The following RASSF6 variants were observed in gnomAD, a reference collection of about 807,000 sequenced individuals.
RASSF6 encodes the protein Ras association domain family member 6.
RASSF6 carries 52 observed loss-of-function variants against 44.0 expected under a neutral mutation model. The ratio of observed to expected loss-of-function variants is 1.18; its 90% CI spans 0.95 to 1.49. The LOEUF is 1.49. RASSF6 is among the 40% of genes most tolerant of loss of function. The pLI is 0.00. For synonymous variants in RASSF6, 162 were observed against 124.6 expected, an observed-to-expected ratio of 1.30 and a Z score of -2.00; for missense variants, 464 against 393.3, an observed-to-expected ratio of 1.18 and a Z score of -1.52.
At chr4:73,603,840 G>A (rs1321095964) in intron 2 of RASSF6, among the ~76,000 whole-genome samples, 2 of 152,160 alleles carry the variant, frequency 1.3e-5, no homozygotes, top group Admixed American at 6.5e-5. Flanking sequence ...AATATTAGTT[G>A]TACTAAGAGA....
rs764339572 is a variant in RASSF6 at position 73,572,971 on chromosome 4, A to C, written c.*3264T>G. On this transcript the variant is annotated 3_prime_UTR_variant, in exon 11 of 11. Coordinates refer to ENST00000307439, the MANE Select transcript of RASSF6 (RefSeq NM_177532.5). The stretch of plus-strand genomic sequence containing the variant: ...CATATATATATACACACACATACAT[A>C]TATAATATATATGCCTTAAGTACAT... 1 of 152,070 alleles carries C rather than the reference A, an allele frequency of 6.6e-6. No homozygotes were observed. The highest frequency in any genetic ancestry group is 2.4e-5 in the African/African-American group (1 of 41,380). 9.4% of individuals were successfully genotyped at this position (152,070 alleles called of 1,614,324 possible). A position where few individuals can be genotyped will look rare whatever the true frequency, so the allele number is the denominator to read the frequency against.
rs900348383 is a variant in RASSF6 at position 73,574,375 on chromosome 4, A to G, written c.*1860T>C. ...CCCAAGTCCCTCTGCATATCTGCCCACCTGCCTCAGCTGGTCCACACCTAG... is the reference window on the plus strand; with the variant it reads ...CCCAAGTCCCTCTGCATATCTGCCCGCCTGCCTCAGCTGGTCCACACCTAG... On this transcript the variant is annotated 3_prime_UTR_variant, in exon 11 of 11. Transcript: ENST00000307439. 2 of 152,460 alleles carry G rather than the reference A, an allele frequency of 1.3e-5. No individual in the cohort carries two copies. Among genetic ancestry groups the G allele is most frequent in the African/African-American group, 4.8e-5 (2 of 41,416 alleles). The allele number at this position is 152,460 out of a possible 1,614,324, so 9.4% of individuals were successfully genotyped here.
At chr4:73,604,830 G>A (rs779068026) in intron 2 of RASSF6, among the ~76,000 whole-genome samples, 5 of 151,038 alleles carry the variant, frequency 3.3e-5, no homozygotes, top group Non-Finnish European at 5.9e-5. Context: ...AATTAAGGTT[G>A]TGATTTTTAT....
At chr4:73,614,995 A>G (rs1726255974) in intron 1 of RASSF6, among the ~76,000 whole-genome samples, 1 of 152,160 alleles carries the variant, frequency 6.6e-6, no homozygotes, top group South Asian at 2.1e-4. Flanking sequence ...TAAAAGTCCC[A>G]TTGTTAGTAT....
chr4:73,582,072 C>T, intron 7 of RASSF6, 117 bp downstream of exon 7: 2 of 659,460 alleles, frequency 3.0e-6, no homozygotes, highest in Non-Finnish European at 2.6e-6. Context: ...TCTTTCAGTG[C>T]TCAACATCCA....
At chr4:73,593,182 A>C (rs927253044) in intron 4 of RASSF6, among the ~76,000 whole-genome samples, 1 of 151,882 alleles carries the variant, frequency 6.6e-6, no homozygotes. Context: ...CGCCCAGCTA[A>C]TTTTTGTATT....
At chr4:73,593,935 T>C (rs142872352) in intron 3 of RASSF6, among the ~76,000 whole-genome samples, 15 of 152,306 alleles carry the variant, frequency 9.8e-5, no homozygotes, top group South Asian at 2.1e-4. Context: ...TAAAGCAGAT[T>C]TAAAAATTAT....
In RASSF6 at chr4:73,582,267, A is replaced by G; in HGVS notation, c.591T>C (p.Phe197=). The change falls in exon 7 of 11, where the codon TTT becomes TTC. Residue 197 remains phenylalanine (F), a synonymous_variant. Transcript: ENST00000307439. ...TTACTCTGACCTTAGTTTCTGATTC[A>G]AAGGCTGGAATGAAAATTGATGTCT... ...NHETSIFIPA[F]ESETKVRVNS... is the part of the protein sequence containing the mutation. 1 of 1,589,240 alleles carries G rather than the reference A, an allele frequency of 6.3e-7. No homozygotes were observed. Among genetic ancestry groups the G allele is most frequent in the South Asian group, 1.1e-5 (1 of 87,976 alleles).
intron 6 of RASSF6, among the ~76,000 whole-genome samples, chr4:73,583,542 ATCTTACGACACAC>A (rs750968416): frequency 2.5e-4 from 38 of 152,126 alleles, no homozygotes; most frequent in Non-Finnish European, 4.0e-4. Context: ...ATAAAAACAT[ATCTTACGACACAC>A]AGCAACTTAA....
In RASSF6 at chr4:73,573,212, C is replaced by G. The variant is rs10028405; in HGVS notation, c.*3023G>C. Reference sequence around the variant, plus strand: ...GCGCCATCTCGGCTCATGCAACCTCCGCCTCCCGGGTTCAAGCGATTCTCC... The same window carrying G: ...GCGCCATCTCGGCTCATGCAACCTCGGCCTCCCGGGTTCAAGCGATTCTCC... On this transcript the variant is annotated 3_prime_UTR_variant, in exon 11 of 11. Transcript: ENST00000307439. 2 of 151,782 alleles carry G rather than the reference C, an allele frequency of 1.3e-5. No homozygotes were observed. The highest frequency in any genetic ancestry group is 2.9e-5 in the Non-Finnish European group (2 of 68,020). The allele number at this position is 151,782 out of a possible 1,614,324, so 9.4% of individuals were successfully genotyped here. A position where few individuals can be genotyped will look rare whatever the true frequency, so the allele number is the denominator to read the frequency against.
At chr4:73,580,442 C>T (rs1388548444) in intron 8 of RASSF6, among the ~76,000 whole-genome samples, 7 of 150,412 alleles carry the variant, frequency 4.7e-5, no homozygotes, top group East Asian at 4.0e-4. Flanking sequence ...CCTGAGGAAT[C>T]GCCACACTGA....
At chr4:73,577,543 C>T (rs1391974286) in intron 8 of RASSF6, among the ~76,000 whole-genome samples, 1 of 152,072 alleles carries the variant, frequency 6.6e-6, no homozygotes, top group Non-Finnish European at 1.5e-5. Context: ...TGGACTTATC[C>T]CAGGAAAAGA....
intron 5 of RASSF6, among the ~76,000 whole-genome samples, chr4:73,586,110 G>A (rs1327786250): frequency 6.6e-6 from 1 of 150,864 alleles, no homozygotes; most frequent in Non-Finnish European, 1.5e-5. Flanking sequence ...GGTATGTGGA[G>A]CATTGAAAGA....
chr4:73,606,081 A>T (rs1725604026), intron 2 of RASSF6, among the ~76,000 whole-genome samples: 1 of 152,238 alleles, frequency 6.6e-6, no homozygotes, highest in Non-Finnish European at 1.5e-5. Context: ...CCCAAAGGAA[A>T]ATAAAACATT....
intron 4 of RASSF6, 95 bp from the exon 5 acceptor site, chr4:73,588,029 G>T: frequency 1.4e-6 from 1 of 727,592 alleles, no homozygotes; most frequent in South Asian, 2.0e-5. Flanking sequence ...GTAATACTGT[G>T]GGCCTCTGTA....
intron 4 of RASSF6, among the ~76,000 whole-genome samples, chr4:73,592,945 T>C (rs1560449226): frequency 6.6e-6 from 1 of 151,864 alleles, no homozygotes; most frequent in Non-Finnish European, 1.5e-5. Context: ...CACATCGTAA[T>C]TGGGGATCTT....
chr4:73,590,021 A>G (rs1037759431), intron 4 of RASSF6, among the ~76,000 whole-genome samples: 5 of 152,208 alleles, frequency 3.3e-5, no homozygotes, highest in African/African-American at 1.2e-4. Context: ...GAGTTTTGAA[A>G]GATATTAAAA....
chr4:73,594,450 C>T (rs1024278006), intron 3 of RASSF6, among the ~76,000 whole-genome samples: 2 of 152,196 alleles, frequency 1.3e-5, no homozygotes, highest in African/African-American at 4.8e-5. Context: ...ATCAGACAGA[C>T]CTGTGCTCAA....
intron 2 of RASSF6, 39 bp from the exon 3 acceptor site, chr4:73,598,757 GT>G (rs761199232): frequency 1.7e-5 from 15 of 904,402 alleles, no homozygotes; most frequent in Non-Finnish European, 2.3e-5. Flanking sequence ...CAGTCTTAGA[GT>G]TTTTAACGTA....
Sources: gnomAD v4.1 joint callset for allele counts (sites outside exome capture counted in the v4.1 genomes callset) on GRCh38, gnomAD v4.1.1 for gene constraint, MANE v1.5 for transcripts, NCBI Gene and HGNC (gene_info 2026-07-23, HGNC 2026-07-21) for gene names.